Variants in ADCY3 observed in about 807,000 individuals in gnomAD.
ADCY3 encodes adenylate cyclase 3.
In ADCY3, 70 loss-of-function variants were observed where a neutral mutation model predicts 119.4. That is an observed-to-expected ratio of 0.59 (90% CI 0.48 to 0.72). The LOEUF (loss-of-function observed/expected upper bound fraction) is 0.72. ADCY3 is among the 30% of genes least tolerant of loss of function. The pLI is 0.00. For synonymous variants in ADCY3, 672 were observed against 621.4 expected, an observed-to-expected ratio of 1.08 and a Z score of -1.21; for missense variants, 1,238 against 1,541.6, an observed-to-expected ratio of 0.80 and a Z score of 3.30.
intron 3 of ADCY3, among the ~76,000 whole-genome samples, chr2:24,855,190 T>TC (rs58125520): frequency 5.2e-5 from 7 of 135,894 alleles, no homozygotes; most frequent in African/African-American, 1.1e-4. Flanking sequence ...TAGCCCCAGG[T>TC]CCCCCCCACC....
chr2:24,844,117 CAG>C (rs1671388928), intron 3 of ADCY3, among the ~76,000 whole-genome samples: 1 of 152,190 alleles, frequency 6.6e-6, no homozygotes, highest in African/African-American at 2.4e-5. Flanking sequence ...GCAGCAGGCA[CAG>C]GGGGAGGCCA....
Position 24,821,646 on chromosome 2 carries a change from C to CCAGGGGACCGTGGAGAAAGTGT in ADCY3, c.3004-28_3004-7dup. 1 of 1,613,642 alleles carries CCAGGGGACCGTGGAGAAAGTGT rather than the reference C, an allele frequency of 6.2e-7. No individual in the cohort carries two copies. Among genetic ancestry groups the CCAGGGGACCGTGGAGAAAGTGT allele is most frequent in the South Asian group, 1.1e-5 (1 of 91,038 alleles). ...TCTCTCTCGGACTTGTCTTCCTGTG[C>CCAGGGGACCGTGGAGAAAGTGT]CAGGGGACCGTGGAGAAAGTGTCAG... On this transcript the variant is annotated splice_polypyrimidine_tract_variant and splice_region_variant and intron_variant, in intron 19 of 21. Transcript: ENST00000679454.
At position 24,873,056 on chromosome 2, in the gene ADCY3, C is replaced by A. The variant is rs544802440; in HGVS notation, c.676-337G>T. Among the ~76,000 whole-genome samples, 4 of 152,354 alleles carry A rather than the reference C, an allele frequency of 2.6e-5. No homozygotes were observed. In the East Asian group the frequency reaches 7.7e-4, roughly 29 times the overall value. On this transcript the variant is annotated intron_variant, in intron 2 of 21. Transcript: ENST00000679454. The stretch of plus-strand genomic sequence containing the variant: ...AAAGCAAGGCTGGCCAGTCCCTCCA[C>A]CTGTGACGCCTGAGCAGACCCTCTG...
intron 2 of ADCY3, among the ~76,000 whole-genome samples, chr2:24,911,438 G>C (rs1310056053): frequency 6.6e-6 from 1 of 151,418 alleles, no homozygotes; most frequent in African/African-American, 2.4e-5. Flanking sequence ...CCTGAGGTCA[G>C]GAGTTCGAGA....
intron 15 of ADCY3, among the ~76,000 whole-genome samples, chr2:24,827,198 T>C (rs556035192): frequency 3.3e-4 from 51 of 152,258 alleles, no homozygotes; most frequent in African/African-American, 1.0e-3. Flanking sequence ...AGAGATGAAA[T>C]TGCAACTCAT....
intron 2 of ADCY3, among the ~76,000 whole-genome samples, chr2:24,893,220 T>G (rs1677902674): frequency 6.6e-6 from 1 of 151,998 alleles, no homozygotes; most frequent in Non-Finnish European, 1.5e-5. Flanking sequence ...AAATTTTTTG[T>G]AGAGGACAGA....
intron 3 of ADCY3, among the ~76,000 whole-genome samples, chr2:24,852,353 G>T (rs1672411372): frequency 6.6e-6 from 1 of 152,190 alleles, no homozygotes; most frequent in South Asian, 2.1e-4. Flanking sequence ...GGGTACAGGG[G>T]CAGTGGTGGT....
chr2:24,827,395 C>T, intron 15 of ADCY3, 151 bp downstream of exon 15: 1 of 776,882 alleles, frequency 1.3e-6, no homozygotes, highest in Non-Finnish European at 2.1e-6. Flanking sequence ...TGCAGCCCTC[C>T]TGGAGGAACC....
In ADCY3 at chr2:24,834,692, T is replaced by C. The variant is rs760165666; in HGVS notation, c.1806-46A>G. On this transcript the variant is annotated intron_variant, in intron 10 of 21. Coordinates refer to ENST00000679454, the MANE Select transcript of ADCY3 (RefSeq NM_004036.5). The surrounding 1 kb of genome is among the most constrained non-coding windows in gnomAD (Gnocchi z 4.2). ...ATGAATCCCAAATGCCACATCTGCC[T>C]TGGCCTAGCAGGGGGGCCGTATTTG... 1 of 1,606,520 alleles carries C rather than the reference T, an allele frequency of 6.2e-7. No individual in the cohort carries two copies. Among genetic ancestry groups the C allele is most frequent in the Non-Finnish European group, 8.5e-7 (1 of 1,173,866 alleles).
At chr2:24,822,847 C>G (rs1190219805) in intron 18 of ADCY3, among the ~76,000 whole-genome samples, 1 of 152,184 alleles carries the variant, frequency 6.6e-6, no homozygotes, top group African/African-American at 2.4e-5. Context: ...GACATAAAAT[C>G]GGCAGTCTCC....
At chr2:24,856,672 A>G (rs1673038127) in intron 3 of ADCY3, among the ~76,000 whole-genome samples, 1 of 152,146 alleles carries the variant, frequency 6.6e-6, no homozygotes, top group Non-Finnish European at 1.5e-5. Flanking sequence ...CGCCATTTAG[A>G]CTAGGGGGCC....
chr2:24,848,735 G>A (rs1671943346), intron 3 of ADCY3, among the ~76,000 whole-genome samples: 1 of 152,220 alleles, frequency 6.6e-6, no homozygotes, highest in Admixed American at 6.5e-5. Context: ...GTATGACTGA[G>A]TGACTGAGGG....
At chr2:24,854,036 G>C (rs77497204) in intron 3 of ADCY3, among the ~76,000 whole-genome samples, 264 of 152,266 alleles carry the variant, frequency 1.7e-3, no homozygotes, top group African/African-American at 6.1e-3. Context: ...AATTACTTGA[G>C]GACACAGAGG....
In ADCY3 at chr2:24,838,640, A is replaced by G; in HGVS notation, c.1356-18T>C. On this transcript the variant is annotated intron_variant, in intron 7 of 21. Coordinates refer to ENST00000679454, the MANE Select transcript of ADCY3 (RefSeq NM_004036.5). ...GCACGCGCCTGGATTGCAGAGAGAG[A>G]GGCCCTGAGCGTCGGCCAGAGGTGG... 1.2e-6 allele frequency: 2 copies of G among 1,612,878 alleles called. No individual in the cohort carries two copies. Among genetic ancestry groups the G allele is most frequent in the Middle Eastern group, 1.8e-4 (1 of 5,550 alleles).
rs1320933488 is a variant in ADCY3, at chr2:24,821,516, C to A, written c.3127+1G>T. ...GGGGCAGGCCAGCTGGGGGTGCTCA[C>A]CTATGCGCAGCATGAAGTTATTGAA... On this transcript the variant is annotated splice_donor_variant, in intron 20 of 21. Transcript: ENST00000679454. LOFTEE classifies it high-confidence loss of function. 6.2e-7 allele frequency: 1 copy of A among 1,613,884 alleles called. No individual in the cohort carries two copies. The highest frequency in any genetic ancestry group is 1.3e-5 in the African/African-American group (1 of 74,938).
At chr2:24,886,510 C>T (rs1338641951) in intron 2 of ADCY3, among the ~76,000 whole-genome samples, 2 of 152,176 alleles carry the variant, frequency 1.3e-5, no homozygotes, top group Non-Finnish European at 2.9e-5. Flanking sequence ...CTAAGATCTT[C>T]CCACAAGACC....
At chr2:24,832,584 T>TA (rs1387697627) in intron 11 of ADCY3, among the ~76,000 whole-genome samples, 2 of 152,256 alleles carry the variant, frequency 1.3e-5, no homozygotes, top group East Asian at 3.9e-4. Context: ...TCCTGGTAGC[T>TA]AAATCCATGT....
At chr2:24,917,341 CAG>C (rs977958231) in intron 2 of ADCY3, among the ~76,000 whole-genome samples, 29 of 152,372 alleles carry the variant, frequency 1.9e-4, no homozygotes, top group African/African-American at 7.0e-4. Flanking sequence ...CTCTACCAGA[CAG>C]AGCACTGCAG....
chr2:24,903,408 G>A (rs974653890), intron 2 of ADCY3, among the ~76,000 whole-genome samples: 5 of 151,906 alleles, frequency 3.3e-5, no homozygotes, highest in Admixed American at 2.6e-4. Context: ...CAGAGAAGAC[G>A]ACTTCTGACT....
Sources: allele counts gnomAD v4.1 joint callset (sites outside exome capture counted in the v4.1 genomes callset), GRCh38; gene constraint gnomAD v4.1.1; non-coding constraint Gnocchi (gnomAD v3.1); transcripts MANE v1.5; gene names NCBI Gene and HGNC (gene_info 2026-07-23, HGNC 2026-07-21).